The following NKAIN2 variants were observed in gnomAD, a reference collection of about 807,000 sequenced individuals.
The protein encoded by NKAIN2 is sodium/potassium transporting ATPase interacting 2.
A neutral mutation model predicts 32.6 loss-of-function variants in NKAIN2; 14 were observed. The observed-to-expected ratio is 0.43, with a 90% CI of 0.28 to 0.67. The LOEUF (loss-of-function observed/expected upper bound fraction) is 0.67, where lower values mean the gene tolerates loss of function less well. Among genes scored for constraint, NKAIN2 ranks in the 30% least tolerant of loss-of-function variants. The pLI is 0.17. For missense variants in NKAIN2, 198 were observed against 258.3 expected (o/e 0.77, Z 1.60); for synonymous variants, 80 against 87.2 (o/e 0.92, Z 0.46).
chr6:124,661,691 T>C (rs1784750993), intron 4 of NKAIN2, among the ~76,000 whole-genome samples: 1 of 152,132 alleles, frequency 6.6e-6, no homozygotes, highest in Non-Finnish European at 1.5e-5. Context: ...TTTCGAGCTT[T>C]CTCCTTCTCC....
At chr6:123,850,785 T>C (rs1452502533) in intron 1 of NKAIN2, among the ~76,000 whole-genome samples, 1 of 152,220 alleles carries the variant, frequency 6.6e-6, no homozygotes, top group Non-Finnish European at 1.5e-5. Context: ...TACAGATTGT[T>C]ATTAACTGTA....
chr6:124,111,178 A>G (rs1365974959), intron 1 of NKAIN2, among the ~76,000 whole-genome samples: 1 of 152,080 alleles, frequency 6.6e-6, no homozygotes, highest in Non-Finnish European at 1.5e-5. Flanking sequence ...AAGAGTGTGT[A>G]TTCTGCTCCT....
At chr6:123,950,492 T>C (rs953623889) in intron 1 of NKAIN2, among the ~76,000 whole-genome samples, 7 of 152,040 alleles carry the variant, frequency 4.6e-5, no homozygotes, top group African/African-American at 1.7e-4. Context: ...TTTCTCATTA[T>C]TGATCTACTC....
chr6:124,260,904 C>T (rs1476921034), intron 1 of NKAIN2, among the ~76,000 whole-genome samples: 1 of 152,152 alleles, frequency 6.6e-6, no homozygotes, highest in Non-Finnish European at 1.5e-5. Context: ...CTAACTTCTA[C>T]ATTTGTACTT....
chr6:124,494,158 A>G (rs1381403714), intron 3 of NKAIN2, among the ~76,000 whole-genome samples: 1 of 152,066 alleles, frequency 6.6e-6, no homozygotes, highest in Admixed American at 6.6e-5. Context: ...TGCATGGCTT[A>G]GGTGTCTTTC....
chr6:124,222,211 G>T (rs947048388), intron 1 of NKAIN2, among the ~76,000 whole-genome samples: 8 of 152,138 alleles, frequency 5.3e-5, no homozygotes, highest in African/African-American at 1.9e-4. Flanking sequence ...TTCTTACCAA[G>T]AAACATCAGT....
chr6:124,815,867 C>G (rs546521933), intron 5 of NKAIN2, among the ~76,000 whole-genome samples: 1 of 152,070 alleles, frequency 6.6e-6, no homozygotes, highest in Non-Finnish European at 1.5e-5. Flanking sequence ...CACCATATGT[C>G]TCATCCAGGA....
chr6:123,940,843 T>TA lies in NKAIN2; in HGVS notation c.54+136595dup, dbSNP rs1211337307. 2.6e-5 allele frequency among the ~76,000 whole-genome samples: 4 copies of TA among 152,066 alleles called. No homozygotes were observed. The East Asian group carries it at 7.7e-4, about 29-fold the overall frequency. The stretch of plus-strand genomic sequence containing the variant: ...ACACTTAGGCTGCACTAAATTTATT[T>TA]AAAAAATTTTTCATTCTTCAATAAT... On this transcript the variant is annotated intron_variant, in intron 1 of 6. Coordinates refer to ENST00000368417, the MANE Select transcript of NKAIN2 (RefSeq NM_001040214.3).
At chr6:124,585,754 T>C (rs961184089) in intron 3 of NKAIN2, among the ~76,000 whole-genome samples, 60 of 152,354 alleles carry the variant, frequency 3.9e-4, no homozygotes, top group African/African-American at 1.4e-3. Flanking sequence ...ATTAAATTTT[T>C]TGTTCTTTTA....
At chr6:123,830,464 T>C (rs759577289) in intron 1 of NKAIN2, among the ~76,000 whole-genome samples, 4 of 152,214 alleles carry the variant, frequency 2.6e-5, no homozygotes, top group Non-Finnish European at 4.4e-5. Context: ...TGAGCCTCAC[T>C]GTCTTCTGGT....
chr6:124,492,101 T>C lies in NKAIN2; in HGVS notation c.273+136754T>C, dbSNP rs74901431. Among the ~76,000 whole-genome samples the C allele has an allele frequency of 0.015, 2,319 of 152,086 alleles. 125 individuals carry two copies. In the East Asian group the frequency reaches 0.16, roughly 10 times the overall value. On this transcript the variant is annotated intron_variant, in intron 3 of 6. Transcript: ENST00000368417. ...GAAGACCTATTGGCTATTATTGTAA[T>C]AGCTAATCTTTTACTTGCATTTATA...
At chr6:124,762,812 T>C (rs1778332630) in intron 4 of NKAIN2, among the ~76,000 whole-genome samples, 2 of 152,242 alleles carry the variant, frequency 1.3e-5, no homozygotes, top group African/African-American at 4.8e-5. Flanking sequence ...CGGAGAGCGT[T>C]GGTTTGCAGG....
At chr6:124,243,085 TAAAAG>T (rs1256104914) in intron 1 of NKAIN2, among the ~76,000 whole-genome samples, 4 of 139,522 alleles carry the variant, frequency 2.9e-5, no homozygotes, top group African/African-American at 1.1e-4. Context: ...TAAAAGTGAG[TAAAAG>T]CACAGATTTG....
chr6:124,488,374 T>C lies in NKAIN2; in HGVS notation c.273+133027T>C, dbSNP rs530725583. Among the ~76,000 whole-genome samples, 177 of 152,166 alleles carry C rather than the reference T, an allele frequency of 1.2e-3. 1 individual carries two copies. In the South Asian group the frequency reaches 0.014, roughly 12 times the overall value. On this transcript the variant is annotated intron_variant, in intron 3 of 6. Coordinates refer to ENST00000368417, the MANE Select transcript of NKAIN2 (RefSeq NM_001040214.3). ...CAGGCAATATGAGGTATTTGTACTT[T>C]GTTTCTGTAATCATATTATCTGCTC...
At chr6:124,124,462 A>T in intron 1 of NKAIN2, among the ~76,000 whole-genome samples, 1 of 152,204 alleles carries the variant, frequency 6.6e-6, no homozygotes, top group Non-Finnish European at 1.5e-5. Context: ...TATGAATAAT[A>T]GTCCTGCAGA....
chr6:123,985,684 A>G (rs781589702), intron 1 of NKAIN2, among the ~76,000 whole-genome samples: 1 of 152,192 alleles, frequency 6.6e-6, no homozygotes, highest in Non-Finnish European at 1.5e-5. Flanking sequence ...AAAGAGACCT[A>G]TGAAACAGCT....
intron 1 of NKAIN2, among the ~76,000 whole-genome samples, chr6:123,925,740 A>G (rs1775977564): frequency 6.6e-6 from 1 of 152,038 alleles, no homozygotes. Flanking sequence ...ACATTTCTAC[A>G]TTGTCTTTGA....
intron 1 of NKAIN2, among the ~76,000 whole-genome samples, chr6:123,934,624 A>G (rs1380285046): frequency 6.6e-6 from 1 of 152,166 alleles, no homozygotes; most frequent in Non-Finnish European, 1.5e-5. Flanking sequence ...GCTAGGATCT[A>G]AGAGTTATGA....
At chr6:123,938,901 C>A (rs1045650880) in intron 1 of NKAIN2, among the ~76,000 whole-genome samples, 6 of 151,696 alleles carry the variant, frequency 4.0e-5, no homozygotes, top group African/African-American at 1.2e-4. Context: ...TTAATCTTGC[C>A]TAGAATATTC....
Sources: gnomAD v4.1 joint callset for allele counts (sites outside exome capture counted in the v4.1 genomes callset) on GRCh38, gnomAD v4.1.1 for gene constraint, MANE v1.5 for transcripts, NCBI Gene and HGNC (gene_info 2026-07-23, HGNC 2026-07-21) for gene names.